CUL5: variants seen among roughly 807,000 people sequenced by gnomAD.
CUL5 encodes cullin-5.
In CUL5, 26 loss-of-function variants were observed where a neutral mutation model predicts 108.8. The ratio of observed to expected loss-of-function variants is 0.24; its 90% CI spans 0.18 to 0.33. The LOEUF is 0.33. CUL5 is among the 10% of genes least tolerant of loss of function. The pLI, the probability that CUL5 is intolerant of heterozygous loss-of-function variation, is 1.00. For synonymous variants in CUL5, 334 were observed against 298.0 expected (o/e 1.12, Z -1.25); for missense variants, 524 against 909.2 (o/e 0.58, Z 5.45).
rs1166912488 is a variant in CUL5, at chr11:108,033,909, T to C, written c.132T>C (p.Phe44=). The change falls in exon 2 of 19, where the codon TTT becomes TTC. Residue 44 remains phenylalanine (F), a splice_region_variant and synonymous_variant. Transcript: ENST00000393094. Reference sequence around the variant, plus strand: ...CAAAACAGCAGTGGTTTGATCTGTTTTCGTAAGTACCCCACTAATTCTGTT... The same window carrying C: ...CAAAACAGCAGTGGTTTGATCTGTTCTCGTAAGTACCCCACTAATTCTGTT... ...SVTKQQWFDL[F]SDVHAVCLWD... The C allele has an allele frequency of 6.3e-7, 1 of 1,594,106 alleles. No homozygotes were observed. Among genetic ancestry groups the C allele is most frequent in the South Asian group, 1.1e-5 (1 of 88,556 alleles).
Position 108,043,310 on chromosome 11 carries a change from A to G in CUL5, c.135-2960A>G, listed in dbSNP as rs528015847. Among the ~76,000 whole-genome samples, 73 of 152,234 alleles carry G rather than the reference A, an allele frequency of 4.8e-4. No homozygotes were observed. The South Asian group carries it at 0.012, about 25-fold the overall frequency. Reference sequence around the variant, plus strand: ...GCTAATCTCGAACTTCTGGCCTCAAATGATCCTCCTGCCTTGGCCTCCAAG... The same window carrying G: ...GCTAATCTCGAACTTCTGGCCTCAAGTGATCCTCCTGCCTTGGCCTCCAAG... On this transcript the variant is annotated intron_variant, in intron 2 of 18. Transcript: ENST00000393094.
At chr11:108,017,818 G>C (rs1862240509) in intron 1 of CUL5, among the ~76,000 whole-genome samples, 1 of 152,164 alleles carries the variant, frequency 6.6e-6, no homozygotes, top group Admixed American at 6.5e-5. Context: ...CTGCACTCTA[G>C]CCTGGACGAC....
At chr11:108,090,508 T>C (rs1864325033) in intron 13 of CUL5, among the ~76,000 whole-genome samples, 1 of 151,842 alleles carries the variant, frequency 6.6e-6, no homozygotes, top group African/African-American at 2.4e-5. Context: ...ATAAAATAAA[T>C]AAATAGACTG....
At chr11:108,047,056 G>A (rs1227835991) in intron 3 of CUL5, among the ~76,000 whole-genome samples, 1 of 152,104 alleles carries the variant, frequency 6.6e-6, no homozygotes, top group Non-Finnish European at 1.5e-5. Context: ...AGTAGCTCAG[G>A]CCTGTAATCC....
intron 5 of CUL5, among the ~76,000 whole-genome samples, chr11:108,054,438 T>A (rs1267874837): frequency 6.6e-6 from 1 of 152,262 alleles, no homozygotes; most frequent in African/African-American, 2.4e-5. Context: ...TAGTCTATAT[T>A]ATCTGTATTA....
chr11:108,027,273 AT>A (rs35581482), intron 1 of CUL5, among the ~76,000 whole-genome samples: 25,177 of 142,140 alleles, frequency 0.18, 2,477 homozygotes, highest in Non-Finnish European at 0.23. Flanking sequence ...TGCCCAGCTA[AT>A]TTTTTTTTTT....
At chr11:108,083,666 C>T (rs1864153622) in intron 11 of CUL5, among the ~76,000 whole-genome samples, 1 of 152,172 alleles carries the variant, frequency 6.6e-6, no homozygotes, top group Admixed American at 6.6e-5. Flanking sequence ...TGGTGCGTGC[C>T]TGTAGTCCTA....
chr11:108,050,046 G>A lies in CUL5; in HGVS notation c.391G>A (p.Glu131Lys). 6.2e-7 allele frequency: 1 copy of A among 1,612,252 alleles called. No individual in the cohort carries two copies. Reference sequence around the variant, plus strand: ...GGGCAGCAATAAAAAATCAAATGTGGAAGACAGTATTGTTCGAAAGGTAAG... The same window carrying A: ...GGGCAGCAATAAAAAATCAAATGTGAAAGACAGTATTGTTCGAAAGGTAAG... Reference protein sequence around the residue: ...KQGSNKKSNVEDSIVRKLMLD... With the variant: ...KQGSNKKSNVKDSIVRKLMLD... Residue 131 changes from glutamate (E) to lysine (K), a missense_variant, in exon 4 of 19, where the codon GAA becomes AAA. Glu to Lys is a moderately conservative substitution (Grantham distance 56). This residue lies in a region of CUL5 where 170 missense variants were observed against 305.1 expected (regional missense o/e 0.56). Coordinates refer to ENST00000393094, the MANE Select transcript of CUL5 (RefSeq NM_003478.6).
At chr11:108,081,364 G>A (rs1042659039) in intron 11 of CUL5, among the ~76,000 whole-genome samples, 5 of 152,296 alleles carry the variant, frequency 3.3e-5, no homozygotes, top group Middle Eastern at 6.8e-3. Flanking sequence ...GTTAGCTTTT[G>A]TATATGGTGT....
chr11:108,097,308 A>G (rs540791107), intron 16 of CUL5, among the ~76,000 whole-genome samples: 2 of 152,324 alleles, frequency 1.3e-5, no homozygotes, highest in East Asian at 3.9e-4. Context: ...GAGCCACTGC[A>G]CTTGGCCTGA....
At chr11:108,073,306 T>G in intron 9 of CUL5, 84 bp from the exon 10 acceptor site, 1 of 661,156 alleles carries the variant, frequency 1.5e-6, no homozygotes, top group Non-Finnish European at 2.6e-6. Flanking sequence ...TTAAATGAGT[T>G]TTATTAAAAT....
intron 7 of CUL5, among the ~76,000 whole-genome samples, chr11:108,062,546 AATT>A (rs1490779915): frequency 6.7e-6 from 1 of 148,378 alleles, no homozygotes; most frequent in Non-Finnish European, 1.5e-5. Context: ...AAATATATAA[AATT>A]ATAAATAATT....
intron 5 of CUL5, among the ~76,000 whole-genome samples, chr11:108,053,791 A>G (rs1350994591): frequency 6.6e-6 from 1 of 150,630 alleles, no homozygotes; most frequent in African/African-American, 2.4e-5. Context: ...CAGTCCTCCT[A>G]TCTCAGTGTC....
intron 1 of CUL5, among the ~76,000 whole-genome samples, chr11:108,020,891 G>C (rs558725207): frequency 1.3e-5 from 2 of 152,246 alleles, no homozygotes; most frequent in Non-Finnish European, 2.9e-5. Flanking sequence ...CTCACTCACT[G>C]ACTCACCTAG....
intron 5 of CUL5, among the ~76,000 whole-genome samples, chr11:108,053,678 CTT>C (rs35844502): frequency 1.5e-4 from 20 of 129,248 alleles, no homozygotes; most frequent in Admixed American, 1.6e-4. Context: ...GTATACCATG[CTT>C]TTTTTTTTTT....
chr11:108,066,928 A>G (rs867050486), intron 7 of CUL5, among the ~76,000 whole-genome samples: 1 of 152,242 alleles, frequency 6.6e-6, no homozygotes, highest in Non-Finnish European at 1.5e-5. Flanking sequence ...CATTGAGGGC[A>G]TGAACCATGT....
intron 3 of CUL5, among the ~76,000 whole-genome samples, chr11:108,046,982 G>T (rs1347413247): frequency 6.6e-6 from 1 of 152,018 alleles, no homozygotes; most frequent in Admixed American, 6.6e-5. Flanking sequence ...TTATCATTTT[G>T]AGGAGGACCC....
chr11:108,078,272 CTT>C, intron 11 of CUL5, 32 bp downstream of exon 11: 2 of 1,293,930 alleles, frequency 1.5e-6, no homozygotes, highest in Non-Finnish European at 1.1e-6. Flanking sequence ...TTTAAAAATA[CTT>C]AAATTTTCTT....
chr11:108,104,570 A>G lies in CUL5; in HGVS notation c.*186A>G. On this transcript the variant is annotated 3_prime_UTR_variant, in exon 19 of 19. Transcript: ENST00000393094. ...TAGTTAGCATGATGGCATTCCCTTC[A>G]TGTTGCACACTCTTTGACAGCATGC... The G allele has an allele frequency of 2.2e-6, 1 of 450,848 alleles. No individual in the cohort carries two copies. The highest frequency in any genetic ancestry group is 3.9e-6 in the Non-Finnish European group (1 of 257,008). 27.9% of individuals were successfully genotyped at this position (450,848 alleles called of 1,614,324 possible).
Sources: allele counts gnomAD v4.1 joint callset (sites outside exome capture counted in the v4.1 genomes callset), GRCh38; gene constraint gnomAD v4.1.1; regional missense constraint gnomAD v4.1.1; transcripts MANE v1.5; gene names NCBI Gene and HGNC (gene_info 2026-07-23, HGNC 2026-07-21).